The following FAS variants were observed in gnomAD, a reference collection of about 807,000 sequenced individuals.
FAS encodes the protein tumor necrosis factor receptor superfamily member 6.
FAS carries 5 observed loss-of-function variants against 33.2 expected under a neutral mutation model. The observed-to-expected ratio is 0.15, with a 90% CI of 0.08 to 0.32. FAS has a LOEUF of 0.32. Ranked by LOEUF, FAS falls within the 10% of genes least tolerant of loss-of-function variation. FAS has a pLI of 1.00. For synonymous variants in FAS, 131 were observed against 130.7 expected (o/e 1.00, Z -0.01); for missense variants, 339 against 386.0 (o/e 0.88, Z 1.02).
At chr10:88,991,186 T>C in intron 1 of FAS, 2 of 574,336 alleles carry the variant, frequency 3.5e-6, no homozygotes, top group South Asian at 2.0e-5. Flanking sequence ...CCGGCGCTCC[T>C]CGGAGACCAC....
At chr10:88,978,191 T>C (rs1158351256) in intron 2 of FAS, among the ~76,000 whole-genome samples, 17 of 128,294 alleles carry the variant, frequency 1.3e-4, no homozygotes, top group Non-Finnish European at 2.3e-4. Flanking sequence ...TAGGTGGGAA[T>C]TGAACAATGA....
intron 1 of FAS, among the ~76,000 whole-genome samples, chr10:88,997,986 G>A (rs550913015): frequency 2.6e-5 from 4 of 152,302 alleles, no homozygotes; most frequent in Non-Finnish European, 4.4e-5. Context: ...TCCAAGATGG[G>A]AAATTCTTGG....
chr10:88,986,830 TC>T (rs1485874153), upstream of FAS, among the ~76,000 whole-genome samples: 1 of 152,210 alleles, frequency 6.6e-6, no homozygotes, highest in African/African-American at 2.4e-5. Flanking sequence ...TTACTTTTTT[TC>T]ATCTGAACTG....
intron 3 of FAS, among the ~76,000 whole-genome samples, chr10:89,008,127 C>A (rs1003644249): frequency 2.0e-5 from 3 of 152,052 alleles, no homozygotes; most frequent in African/African-American, 7.2e-5. Context: ...TTTTTTCTGG[C>A]CTTGACTTAC....
chr10:88,998,921 C>T (rs533683900), intron 1 of FAS, among the ~76,000 whole-genome samples: 4 of 152,000 alleles, frequency 2.6e-5, no homozygotes, highest in Non-Finnish European at 4.4e-5. Context: ...TTTGGGAGGC[C>T]GAGGCAGGCG....
At position 89,016,795 on chromosome 10, in the gene FAS, T is replaced by C. The variant is rs1477410944; in HGVS notation, c.*2345T>C. The C allele has an allele frequency of 1.4e-5, 3 of 218,760 alleles. No homozygotes were observed. The highest frequency in any genetic ancestry group is 6.7e-5 in the East Asian group (1 of 14,884). The allele number at this position is 218,760 out of a possible 1,614,324, so 13.6% of individuals were successfully genotyped here. ...TTGCAGAAGGAGCTCACAGATCACA[T>C]TGAAAGCATTGCATATTCAAACATC... is the stretch of plus-strand genomic sequence containing the variant. On this transcript the variant is annotated 3_prime_UTR_variant, in exon 9 of 9. Transcript: ENST00000652046.
chr10:89,007,798 T>A lies in FAS; in HGVS notation c.295T>A (p.Ser99Thr). Residue 99 changes from serine to threonine, a missense_variant, in exon 3 of 9, where the codon TCC becomes ACC. Coordinates refer to ENST00000652046, the MANE Select transcript of FAS (RefSeq NM_000043.6). ...KEYTDKAHFS[S>T]KCRRCRLCDE... ...GTACACAGACAAAGCCCATTTTTCT[T>A]CCAAATGCAGAAGATGTAGATTGTG... 6.2e-7 allele frequency: 1 copy of A among 1,614,030 alleles called. No individual in the cohort carries two copies. Among genetic ancestry groups the A allele is most frequent in the Non-Finnish European group, 8.5e-7 (1 of 1,179,924 alleles).
Position 89,011,787 on chromosome 10 carries a change from A to T in FAS, c.569-212A>T, listed in dbSNP as rs561708107. ...TGCTAGGCCAGCCTGTGGTAATTAG[A>T]TGACTAATTAAGATATGTCCTTTCA... On this transcript the variant is annotated intron_variant, in intron 6 of 8. Coordinates refer to ENST00000652046, the MANE Select transcript of FAS (RefSeq NM_000043.6). Among the ~76,000 whole-genome samples the T allele has an allele frequency of 2.6e-5, 4 of 152,338 alleles. No individual in the cohort carries two copies. The South Asian group carries it at 8.3e-4, about 32-fold the overall frequency.
At chr10:88,973,032 TG>T in intron 1 of FAS, 1 of 879,530 alleles carries the variant, frequency 1.1e-6, no homozygotes, top group South Asian at 2.2e-5. Context: ...ATTTAGAGTT[TG>T]TAGTTGTTTT....
chr10:88,968,207 A>G (rs1220953427), intron 1 of FAS, among the ~76,000 whole-genome samples: 2 of 152,236 alleles, frequency 1.3e-5, no homozygotes, highest in Admixed American at 1.3e-4. Flanking sequence ...AATGTTACGT[A>G]TAGACATCCT....
upstream of FAS, among the ~76,000 whole-genome samples, chr10:88,986,309 T>A (rs948370561): frequency 2.6e-5 from 4 of 152,160 alleles, no homozygotes; most frequent in African/African-American, 9.7e-5. Context: ...ATATCTGTGT[T>A]TTCAGGGGAC....
intron 7 of FAS, among the ~76,000 whole-genome samples, 177 bp from the exon 8 acceptor site, chr10:89,013,166 A>C (rs765733654): frequency 1.3e-5 from 2 of 152,220 alleles, no homozygotes; most frequent in Non-Finnish European, 2.9e-5. Flanking sequence ...CTTTCAGAAT[A>C]AAAATTGAAT....
chr10:88,997,745 C>A (rs527812353), intron 1 of FAS, among the ~76,000 whole-genome samples: 142 of 152,160 alleles, frequency 9.3e-4, no homozygotes, highest in Admixed American at 1.6e-3. Flanking sequence ...ATTTCTTTTT[C>A]CTCAAGTGTT....
chr10:88,998,346 G>C lies in FAS; in HGVS notation c.31-4683G>C, dbSNP rs997381595. ...TTTATATAGCTTTAGTTAAAAAAAAGCAAAAAAAAAAAAAAATCAAAACAA... is the reference window on the plus strand; with the variant it reads ...TTTATATAGCTTTAGTTAAAAAAAACCAAAAAAAAAAAAAAATCAAAACAA... On this transcript the variant is annotated intron_variant, in intron 1 of 8. Transcript: ENST00000652046. Among the ~76,000 whole-genome samples the C allele has an allele frequency of 8.9e-5, 7 of 78,710 alleles. No individual in the cohort carries two copies. In the East Asian group the frequency reaches 0.017, roughly 190 times the overall value. 51.6% of individuals were successfully genotyped at this position (78,710 alleles called of 152,430 possible). A position where few individuals can be genotyped will look rare whatever the true frequency, so the allele number is the denominator to read the frequency against.
intron 2 of FAS, chr10:88,974,748 T>C (rs927521196): frequency 6.6e-6 from 1 of 152,186 alleles, no homozygotes; most frequent in Admixed American, 6.5e-5. Context: ...ATAAAATAAA[T>C]CTCTTTCACT....
intron 1 of FAS, among the ~76,000 whole-genome samples, chr10:88,994,221 C>T (rs1847444747): frequency 6.6e-6 from 1 of 152,120 alleles, no homozygotes; most frequent in Non-Finnish European, 1.5e-5. Context: ...TTAGGGGTGC[C>T]AGATTACCAG....
chr10:88,965,987 C>T (rs1399157672), intron 1 of FAS, among the ~76,000 whole-genome samples: 1 of 152,100 alleles, frequency 6.6e-6, no homozygotes, highest in Non-Finnish European at 1.5e-5. Flanking sequence ...TTTACGGAAC[C>T]ATGGTCAACA....
chr10:89,001,879 T>C (rs1847949124), intron 1 of FAS, among the ~76,000 whole-genome samples: 1 of 152,224 alleles, frequency 6.6e-6, no homozygotes, highest in Admixed American at 6.5e-5. Flanking sequence ...CTGCGAGAGG[T>C]TGCAGTCATG....
intron 2 of FAS, among the ~76,000 whole-genome samples, chr10:89,003,790 C>A (rs9658734): frequency 0.018 from 2,683 of 151,970 alleles, 79 homozygotes; most frequent in African/African-American, 0.058. Context: ...AGAAGCTAAG[C>A]AAAATGCAAT....
Sources: allele counts gnomAD v4.1 joint callset (sites outside exome capture counted in the v4.1 genomes callset), GRCh38; gene constraint gnomAD v4.1.1; transcripts MANE v1.5; gene names NCBI Gene and HGNC (gene_info 2026-07-23, HGNC 2026-07-21).